CNTNAP2: variants seen among roughly 807,000 people sequenced by gnomAD.
The protein encoded by CNTNAP2 is contactin-associated protein-like 2.
Under a neutral mutation model 155.2 loss-of-function variants are expected in CNTNAP2, and 98 were observed. That is an observed-to-expected ratio of 0.63 (90% CI 0.54 to 0.75). CNTNAP2 has a LOEUF of 0.75. Ranked by LOEUF, CNTNAP2 falls within the 30% of genes least tolerant of loss-of-function variation. The pLI is 0.00. For synonymous variants in CNTNAP2, 651 were observed against 631.2 expected (o/e 1.03, Z -0.47); for missense variants, 1,727 against 1,688.1 (o/e 1.02, Z -0.40).
chr7:146,534,240 T>G (rs1022261965), intron 1 of CNTNAP2, among the ~76,000 whole-genome samples: 3 of 152,134 alleles, frequency 2.0e-5, no homozygotes, highest in African/African-American at 7.2e-5. Context: ...AACTTGATTT[T>G]TTTCTGTGGA....
chr7:147,558,697 TTTCCTTCCTTCC>T (rs151097268), intron 11 of CNTNAP2, among the ~76,000 whole-genome samples: 2,141 of 148,902 alleles, frequency 0.014, 40 homozygotes, highest in African/African-American at 0.035. Context: ...TCGTTCGTTC[TTTCCTTCCTTCC>T]TTCCTTCCTT....
intron 1 of CNTNAP2, among the ~76,000 whole-genome samples, chr7:146,664,026 G>C (rs572490978): frequency 6.6e-6 from 1 of 152,054 alleles, no homozygotes. Context: ...TCAGGTTGAA[G>C]AAGTTCTTTT....
At chr7:147,441,433 ATC>A (rs1226074198) in intron 10 of CNTNAP2, among the ~76,000 whole-genome samples, 3 of 152,020 alleles carry the variant, frequency 2.0e-5, no homozygotes, top group South Asian at 2.1e-4. Context: ...AAGGTCACAT[ATC>A]TCTGTTTCTC....
chr7:146,323,980 G>A (rs770238206), intron 1 of CNTNAP2, among the ~76,000 whole-genome samples: 12 of 151,940 alleles, frequency 7.9e-5, no homozygotes, highest in African/African-American at 1.7e-4. Context: ...TTTATTTCTC[G>A]TCATATGGCC....
chr7:147,183,784 T>G (rs1312163996), intron 8 of CNTNAP2, among the ~76,000 whole-genome samples: 1 of 152,130 alleles, frequency 6.6e-6, no homozygotes, highest in Admixed American at 6.5e-5. Context: ...GAATGGAGAT[T>G]ACTACCTGAG....
At chr7:146,597,820 A>T (rs1236126466) in intron 1 of CNTNAP2, among the ~76,000 whole-genome samples, 2 of 152,152 alleles carry the variant, frequency 1.3e-5, no homozygotes, top group Non-Finnish European at 2.9e-5. Flanking sequence ...ACATGACAGC[A>T]TTAATTAAAC....
intron 15 of CNTNAP2, among the ~76,000 whole-genome samples, chr7:147,993,556 G>A (rs370327743): frequency 1.3e-5 from 2 of 152,098 alleles, no homozygotes; most frequent in South Asian, 2.1e-4. Context: ...CTGTAGTTCC[G>A]GGCAGTGTCG....
At chr7:147,277,547 A>G (rs936147835) in intron 8 of CNTNAP2, among the ~76,000 whole-genome samples, 10 of 151,940 alleles carry the variant, frequency 6.6e-5, no homozygotes, top group Admixed American at 5.9e-4. Context: ...TGATTTTCCA[A>G]TGTTGAATGG....
At chr7:147,411,344 T>C (rs533961815) in intron 10 of CNTNAP2, among the ~76,000 whole-genome samples, 1 of 152,234 alleles carries the variant, frequency 6.6e-6, no homozygotes. Context: ...TCTAGTAAAG[T>C]ATCTGTCAGT....
intron 13 of CNTNAP2, among the ~76,000 whole-genome samples, chr7:147,698,456 T>C (rs1464459924): frequency 5.9e-5 from 9 of 152,222 alleles, no homozygotes; most frequent in Non-Finnish European, 8.8e-5. Context: ...ATAATGTCAG[T>C]TACCAACTGT....
intron 1 of CNTNAP2, among the ~76,000 whole-genome samples, chr7:146,401,196 C>T (rs1287247470): frequency 2.0e-5 from 3 of 152,082 alleles, no homozygotes; most frequent in East Asian, 3.9e-4. Flanking sequence ...TTCTCCCTGC[C>T]GCTCAGCTAA....
chr7:147,895,387 C>G (rs1799761127), intron 13 of CNTNAP2, among the ~76,000 whole-genome samples: 2 of 152,204 alleles, frequency 1.3e-5, no homozygotes, highest in South Asian at 4.1e-4. Context: ...CATAATAAAA[C>G]TTGATCTGAA....
At chr7:146,151,670 A>ATATATATG (rs1798048468) in intron 1 of CNTNAP2, among the ~76,000 whole-genome samples, 1 of 37,914 alleles carries the variant, frequency 2.6e-5, no homozygotes, top group Non-Finnish European at 5.0e-5. Context: ...ATATATATAT[A>ATATATATG]TATATATATA....
chr7:147,115,702 A>T (rs751557788), intron 5 of CNTNAP2, among the ~76,000 whole-genome samples: 3 of 152,128 alleles, frequency 2.0e-5, no homozygotes, highest in Non-Finnish European at 4.4e-5. Flanking sequence ...TCTGGCTATC[A>T]GATCCCATAT....
At chr7:148,414,934 C>T (rs1799942775) in intron 23 of CNTNAP2, 1 of 219,126 alleles carries the variant, frequency 4.6e-6, no homozygotes, top group African/African-American at 2.3e-5. Context: ...TTCAGAGAGA[C>T]TTATGTGCAG....
chr7:147,586,896 G>C (rs1800638126), intron 12 of CNTNAP2, among the ~76,000 whole-genome samples: 1 of 152,162 alleles, frequency 6.6e-6, no homozygotes, highest in African/African-American at 2.4e-5. Flanking sequence ...TATACCCACA[G>C]AAGATTAAGC....
At chr7:148,359,658 A>G (rs1798581275) in intron 21 of CNTNAP2, among the ~76,000 whole-genome samples, 1 of 152,248 alleles carries the variant, frequency 6.6e-6, no homozygotes, top group South Asian at 2.1e-4. Flanking sequence ...ACTCAGTAGG[A>G]CAGTTTCAAC....
chr7:148,195,719 T>C (rs890141045), intron 18 of CNTNAP2, among the ~76,000 whole-genome samples: 7 of 152,212 alleles, frequency 4.6e-5, no homozygotes, highest in African/African-American at 1.7e-4. Context: ...ATTTGTCAAA[T>C]AATTCAAGTC....
chr7:147,539,024 ATGT>A (rs1562987102), intron 11 of CNTNAP2, among the ~76,000 whole-genome samples: 1 of 152,146 alleles, frequency 6.6e-6, no homozygotes. Flanking sequence ...TTTGGGCTTA[ATGT>A]TGTTTTTAGG....
Sources: allele counts gnomAD v4.1 joint callset (sites outside exome capture counted in the v4.1 genomes callset), GRCh38; gene constraint gnomAD v4.1.1; transcripts MANE v1.5; gene names NCBI Gene and HGNC (gene_info 2026-07-23, HGNC 2026-07-21).